Variants in PLPPR1 observed in about 807,000 individuals in gnomAD.
The protein encoded by PLPPR1 is phospholipid phosphatase related 1.
Under a neutral mutation model 33.1 loss-of-function variants are expected in PLPPR1, and 10 were observed. That is an observed-to-expected ratio of 0.30 (90% CI 0.19 to 0.51). The LOEUF (loss-of-function observed/expected upper bound fraction) is 0.51. Ranked by LOEUF, PLPPR1 falls within the 20% of genes least tolerant of loss-of-function variation. The pLI is 0.97. For missense variants in PLPPR1, 304 were observed against 408.1 expected (o/e 0.74, Z 2.20); for synonymous variants, 151 against 151.0 (o/e 1.00, Z 0.00).
chr9:101,138,566 A>G (rs1447564491), intron 1 of PLPPR1, among the ~76,000 whole-genome samples: 4 of 152,196 alleles, frequency 2.6e-5, no homozygotes, highest in African/African-American at 9.6e-5. Context: ...AAGATACAAG[A>G]TTGGTCCTAA....
intron 1 of PLPPR1, among the ~76,000 whole-genome samples, chr9:101,134,636 A>C (rs1251311740): frequency 6.6e-6 from 1 of 152,116 alleles, no homozygotes; most frequent in Non-Finnish European, 1.5e-5. Flanking sequence ...TGCCCACCTC[A>C]GCCTCCCAGA....
At chr9:101,150,640 T>C (rs528342158) in intron 1 of PLPPR1, among the ~76,000 whole-genome samples, 2 of 152,304 alleles carry the variant, frequency 1.3e-5, no homozygotes, top group East Asian at 1.9e-4. Context: ...TAAGTCATAG[T>C]TGGTTAGTGT....
intron 2 of PLPPR1, among the ~76,000 whole-genome samples, chr9:101,255,222 G>A (rs751206086): frequency 2.6e-5 from 4 of 152,112 alleles, no homozygotes; most frequent in Non-Finnish European, 4.4e-5. Context: ...AAGGGAGTTT[G>A]ATTTGTTGTG....
intron 4 of PLPPR1, among the ~76,000 whole-genome samples, chr9:101,306,999 C>T (rs548569420): frequency 9.4e-4 from 143 of 152,324 alleles, no homozygotes; most frequent in Middle Eastern, 3.4e-3. Flanking sequence ...GGTTCCACCG[C>T]GCTTTGTTGG....
chr9:101,165,012 CA>C, intron 1 of PLPPR1, among the ~76,000 whole-genome samples: 1 of 152,098 alleles, frequency 6.6e-6, no homozygotes. Context: ...CTCCTTGGAA[CA>C]ATCGTAAATA....
At chr9:101,183,856 G>A (rs1298902093) in intron 1 of PLPPR1, among the ~76,000 whole-genome samples, 1 of 151,668 alleles carries the variant, frequency 6.6e-6, no homozygotes, top group Non-Finnish European at 1.5e-5. Flanking sequence ...ACATGGAGAA[G>A]CCATCTAAAA....
At chr9:101,231,003 GGTT>G (rs777514885) in intron 2 of PLPPR1, among the ~76,000 whole-genome samples, 23 of 151,924 alleles carry the variant, frequency 1.5e-4, no homozygotes, top group Non-Finnish European at 2.9e-4. Flanking sequence ...TTTGGCAGGA[GGTT>G]GTTATTCCTC....
intron 1 of PLPPR1, among the ~76,000 whole-genome samples, chr9:101,034,402 G>A (rs1343560797): frequency 6.6e-6 from 1 of 152,154 alleles, no homozygotes; most frequent in East Asian, 1.9e-4. Context: ...GCCTCTGAGT[G>A]CCATACCTCA....
At chr9:101,178,559 C>G (rs945808431) in intron 1 of PLPPR1, among the ~76,000 whole-genome samples, 2 of 152,178 alleles carry the variant, frequency 1.3e-5, no homozygotes, top group Admixed American at 1.3e-4. Flanking sequence ...GAACAAGGCA[C>G]TCATTTTGTG....
At chr9:101,229,867 A>G (rs536037812) in intron 2 of PLPPR1, among the ~76,000 whole-genome samples, 3 of 152,288 alleles carry the variant, frequency 2.0e-5, no homozygotes, top group African/African-American at 7.2e-5. Context: ...TCTGACTTTA[A>G]TTAATGTTTA....
intron 3 of PLPPR1, among the ~76,000 whole-genome samples, chr9:101,277,043 A>G (rs1828209860): frequency 6.6e-6 from 1 of 152,194 alleles, no homozygotes. Flanking sequence ...GGAAAGATTA[A>G]AGTGGAGCAT....
chr9:101,054,315 A>G (rs900988187), intron 1 of PLPPR1, among the ~76,000 whole-genome samples: 1 of 152,222 alleles, frequency 6.6e-6, no homozygotes, highest in Admixed American at 6.5e-5. Flanking sequence ...TAATACCCCA[A>G]GTAGCCTGAA....
At chr9:101,287,024 C>A (rs1828405584) in intron 4 of PLPPR1, among the ~76,000 whole-genome samples, 1 of 149,902 alleles carries the variant, frequency 6.7e-6, no homozygotes, top group African/African-American at 2.5e-5. Context: ...TGCTGTCAAG[C>A]CTTTTGGTAA....
intron 2 of PLPPR1, among the ~76,000 whole-genome samples, chr9:101,229,961 G>A (rs1049865658): frequency 3.3e-5 from 5 of 152,154 alleles, no homozygotes; most frequent in Admixed American, 1.3e-4. Flanking sequence ...TTATAAAGAT[G>A]TGGGTATTTT....
intron 2 of PLPPR1, among the ~76,000 whole-genome samples, chr9:101,248,369 C>A (rs896352673): frequency 1.3e-5 from 2 of 152,104 alleles, no homozygotes; most frequent in Admixed American, 1.3e-4. Flanking sequence ...AGTACTTTCA[C>A]ATTTCATTGA....
intron 2 of PLPPR1, among the ~76,000 whole-genome samples, chr9:101,250,447 C>A (rs949243525): frequency 3.9e-5 from 6 of 152,050 alleles, no homozygotes; most frequent in African/African-American, 1.4e-4. Flanking sequence ...CTGAATAGTA[C>A]CTTCCCTTTC....
intron 2 of PLPPR1, among the ~76,000 whole-genome samples, chr9:101,240,468 C>T (rs1287082240): frequency 6.6e-6 from 1 of 151,824 alleles, no homozygotes; most frequent in Non-Finnish European, 1.5e-5. Flanking sequence ...GATTTCATTG[C>T]ATCTGTGGAT....
intron 1 of PLPPR1, among the ~76,000 whole-genome samples, chr9:101,141,849 C>G (rs764673233): frequency 1.3e-5 from 2 of 152,096 alleles, no homozygotes; most frequent in Non-Finnish European, 2.9e-5. Context: ...CTATATCCAC[C>G]CAGTGATTCC....
chr9:101,290,154 G>GA (rs2118921727), intron 4 of PLPPR1, among the ~76,000 whole-genome samples: 1 of 152,212 alleles, frequency 6.6e-6, no homozygotes, highest in Admixed American at 6.5e-5. Context: ...GTTTTCTTTG[G>GA]AAAAAATTAG....
Sources: gnomAD v4.1 joint callset for allele counts (sites outside exome capture counted in the v4.1 genomes callset) on GRCh38, gnomAD v4.1.1 for gene constraint, MANE v1.5 for transcripts, NCBI Gene and HGNC (gene_info 2026-07-23, HGNC 2026-07-21) for gene names.